ACYP2: variants seen among roughly 807,000 people sequenced by gnomAD.
The protein encoded by ACYP2 is acylphosphatase-2.
A neutral mutation model predicts 11.2 loss-of-function variants in ACYP2; 12 were observed. The observed-to-expected ratio is 1.08, with a 90% CI of 0.69 to 1.74. The LOEUF is 1.74. Among genes scored for constraint, ACYP2 ranks in the 40% most tolerant of loss-of-function variants. ACYP2 has a pLI of 0.00. For missense variants in ACYP2, 134 were observed against 101.9 expected, an observed-to-expected ratio of 1.31 and a Z score of -1.35; for synonymous variants, 43 against 32.2, an observed-to-expected ratio of 1.33 and a Z score of -1.13.
At chr2:54,123,838 A>C (rs1432232408) in intron 4 of ACYP2, among the ~76,000 whole-genome samples, 1 of 152,188 alleles carries the variant, frequency 6.6e-6, no homozygotes, top group Non-Finnish European at 1.5e-5. Context: ...GCCCCTGTTG[A>C]AGAGCTGTCT....
intron 2 of ACYP2, among the ~76,000 whole-genome samples, chr2:54,040,324 C>A (rs1573584424): frequency 6.6e-6 from 1 of 152,056 alleles, no homozygotes; most frequent in East Asian, 1.9e-4. Context: ...ATCAGGAGTT[C>A]AGTTTAGGAC....
chr2:54,046,596 G>A (rs910134850), intron 2 of ACYP2, among the ~76,000 whole-genome samples: 6 of 151,876 alleles, frequency 4.0e-5, no homozygotes, highest in African/African-American at 9.7e-5. Context: ...ATACGGCCTC[G>A]ACAAAATATT....
At chr2:54,206,155 T>C (rs143495070) in intron 6 of ACYP2, among the ~76,000 whole-genome samples, 1 of 152,322 alleles carries the variant, frequency 6.6e-6, no homozygotes, top group Non-Finnish European at 1.5e-5. Flanking sequence ...CACCCTCTTA[T>C]ACCTGAAACT....
chr2:54,262,480 A>G (rs1325576367), intron 6 of ACYP2, among the ~76,000 whole-genome samples: 3 of 152,236 alleles, frequency 2.0e-5, no homozygotes, highest in Non-Finnish European at 2.9e-5. Context: ...TAAGTATTAG[A>G]AAAGAAATTG....
chr2:54,159,211 C>T (rs1455922395), intron 6 of ACYP2, among the ~76,000 whole-genome samples: 1 of 151,868 alleles, frequency 6.6e-6, no homozygotes, highest in Non-Finnish European at 1.5e-5. Context: ...TCAATACTGC[C>T]TGAGATCACC....
intron 5 of ACYP2, among the ~76,000 whole-genome samples, chr2:54,138,188 G>A (rs1339154023): frequency 1.3e-5 from 2 of 152,050 alleles, no homozygotes; most frequent in Non-Finnish European, 2.9e-5. Context: ...AAGTGTTGTA[G>A]TCTCTATTTC....
chr2:54,302,378 G>C (rs988853662), intron 6 of ACYP2, among the ~76,000 whole-genome samples: 30 of 152,216 alleles, frequency 2.0e-4, no homozygotes, highest in African/African-American at 6.5e-4. Context: ...TCTACTTCCT[G>C]AGGGCTTGAT....
At chr2:54,015,744 A>G (rs1011704614) in intron 2 of ACYP2, among the ~76,000 whole-genome samples, 1 of 151,954 alleles carries the variant, frequency 6.6e-6, no homozygotes, top group Non-Finnish European at 1.5e-5. Context: ...CATTTTAACA[A>G]GATCCCAGGT....
chr2:54,086,806 T>A (rs1677971827), intron 4 of ACYP2, among the ~76,000 whole-genome samples: 1 of 152,260 alleles, frequency 6.6e-6, no homozygotes, highest in African/African-American at 2.4e-5. Context: ...AGGATTTTTG[T>A]GGTCAAATGT....
At chr2:53,973,450 A>G (rs373822989) in intron 1 of ACYP2, among the ~76,000 whole-genome samples, 54 of 152,302 alleles carry the variant, frequency 3.5e-4, no homozygotes, top group African/African-American at 1.3e-3. Context: ...AATAGCCTTA[A>G]CTGATAACAT....
At chr2:54,266,546 C>A (rs867238890) in intron 6 of ACYP2, among the ~76,000 whole-genome samples, 20 of 134,688 alleles carry the variant, frequency 1.5e-4, no homozygotes, top group Non-Finnish European at 1.1e-4. Context: ...ATAGATATAG[C>A]TAGATAAAGA....
intron 2 of ACYP2, among the ~76,000 whole-genome samples, chr2:54,038,524 A>T (rs1675033092): frequency 6.6e-6 from 1 of 151,688 alleles, no homozygotes; most frequent in Non-Finnish European, 1.5e-5. Context: ...TAATAGTCCC[A>T]TGAGGCTTAT....
chr2:53,998,103 G>A (rs556115189), intron 2 of ACYP2, among the ~76,000 whole-genome samples: 28 of 152,278 alleles, frequency 1.8e-4, no homozygotes, highest in African/African-American at 6.5e-4. Context: ...GATCATAAAA[G>A]GATTTAAAAC....
intron 2 of ACYP2, among the ~76,000 whole-genome samples, chr2:54,006,507 T>C (rs1478475266): frequency 6.6e-6 from 1 of 152,162 alleles, no homozygotes; most frequent in East Asian, 1.9e-4. Flanking sequence ...ACTTCTGGGC[T>C]TGAACTTCTG....
At chr2:54,243,026 G>A (rs115628819) in intron 6 of ACYP2, among the ~76,000 whole-genome samples, 344 of 152,264 alleles carry the variant, frequency 2.3e-3, no homozygotes, top group African/African-American at 8.1e-3. Flanking sequence ...ATATGAATTT[G>A]TGGATTAAAG....
At chr2:54,180,721 A>G (rs1293473857) in intron 6 of ACYP2, among the ~76,000 whole-genome samples, 4 of 151,984 alleles carry the variant, frequency 2.6e-5, no homozygotes, top group Non-Finnish European at 5.9e-5. Flanking sequence ...TGCCAGGCTA[A>G]TTTTTGTATT....
chr2:54,203,468 C>G (rs1457521085), intron 6 of ACYP2, among the ~76,000 whole-genome samples: 4 of 152,036 alleles, frequency 2.6e-5, no homozygotes, highest in Non-Finnish European at 1.5e-5. Context: ...CTTTTTCTTG[C>G]CTAATTGCTC....
chr2:54,219,791 ATGTG>A (rs146554219), intron 6 of ACYP2, among the ~76,000 whole-genome samples: 40 of 128,132 alleles, frequency 3.1e-4, no homozygotes, highest in South Asian at 2.0e-3. Context: ...GCTAATTTTT[ATGTG>A]TGTGTGTGTG....
chr2:54,072,619 G>A (rs974981335), intron 4 of ACYP2, among the ~76,000 whole-genome samples: 1 of 143,476 alleles, frequency 7.0e-6, no homozygotes, highest in Non-Finnish European at 1.5e-5. Flanking sequence ...CTGGAGTGCA[G>A]TAGCACAGGC....
Sources: allele counts gnomAD v4.1 joint callset (sites outside exome capture counted in the v4.1 genomes callset), GRCh38; gene constraint gnomAD v4.1.1; transcripts MANE v1.5; gene names NCBI Gene and HGNC (gene_info 2026-07-23, HGNC 2026-07-21).